Variants in ZEB1 observed in about 807,000 individuals in gnomAD.
The protein encoded by ZEB1 is zinc finger E-box-binding homeobox 1.
Under a neutral mutation model 84.9 loss-of-function variants are expected in ZEB1, and 21 were observed. The observed-to-expected ratio is 0.25, with a 90% CI of 0.18 to 0.36. The LOEUF is 0.36. Among genes scored for constraint, ZEB1 ranks in the 10% least tolerant of loss-of-function variants. ZEB1 has a pLI of 1.00. For missense variants in ZEB1, 1,104 were observed against 1,330.2 expected (o/e 0.83, Z 2.65); for synonymous variants, 420 against 471.1 (o/e 0.89, Z 1.41).
chr10:31,518,021 CCT>C (rs1303482986), intron 6 of ZEB1, among the ~76,000 whole-genome samples: 6 of 152,160 alleles, frequency 3.9e-5, no homozygotes, highest in Middle Eastern at 3.4e-3. Context: ...TTTCTGTCCC[CCT>C]GTTTTAAAAA....
At chr10:31,415,700 CTT>C (rs1177558705) in intron 1 of ZEB1, among the ~76,000 whole-genome samples, 1 of 151,988 alleles carries the variant, frequency 6.6e-6, no homozygotes, top group Non-Finnish European at 1.5e-5. Context: ...AAAGGGAAAA[CTT>C]CATTTGAAAG....
At chr10:31,350,842 G>A (rs1310042111) in intron 1 of ZEB1, among the ~76,000 whole-genome samples, 1 of 152,112 alleles carries the variant, frequency 6.6e-6, no homozygotes, top group Non-Finnish European at 1.5e-5. Context: ...ACATTTTCAA[G>A]TGGAAAAAAT....
chr10:31,484,414 TTAATC>T, intron 2 of ZEB1, among the ~76,000 whole-genome samples: 1 of 152,166 alleles, frequency 6.6e-6, no homozygotes, highest in African/African-American at 2.4e-5. Flanking sequence ...GTTTTATATA[TTAATC>T]TAATCCTTGC....
intron 1 of ZEB1, among the ~76,000 whole-genome samples, chr10:31,345,991 T>A (rs1044635735): frequency 6.6e-6 from 1 of 152,282 alleles, no homozygotes; most frequent in Middle Eastern, 3.4e-3. Flanking sequence ...ATTTTATAGA[T>A]AGAACTGAGA....
chr10:31,447,884 A>G (rs1471284797), intron 1 of ZEB1, among the ~76,000 whole-genome samples: 2 of 151,958 alleles, frequency 1.3e-5, no homozygotes, highest in Non-Finnish European at 2.9e-5. Context: ...TCTGACAATT[A>G]TGTGTCTTGG....
chr10:31,434,116 A>T (rs562384507), intron 1 of ZEB1, among the ~76,000 whole-genome samples: 132 of 152,348 alleles, frequency 8.7e-4, no homozygotes, highest in South Asian at 4.8e-3. Flanking sequence ...TTTTAAAATC[A>T]TTCTTTGATT....
intron 1 of ZEB1, among the ~76,000 whole-genome samples, chr10:31,333,291 G>A (rs1432939074): frequency 6.6e-6 from 1 of 151,904 alleles, no homozygotes; most frequent in East Asian, 1.9e-4. Flanking sequence ...TGTAAAGTCA[G>A]CAGTGCAAGT....
At chr10:31,371,712 A>G (rs532562496) in intron 1 of ZEB1, among the ~76,000 whole-genome samples, 3 of 152,284 alleles carry the variant, frequency 2.0e-5, no homozygotes, top group Non-Finnish European at 2.9e-5. Flanking sequence ...CACCCAGGAA[A>G]GAACTTTGTT....
intron 1 of ZEB1, among the ~76,000 whole-genome samples, chr10:31,432,493 G>T (rs1018967322): frequency 6.6e-6 from 1 of 152,172 alleles, no homozygotes; most frequent in African/African-American, 2.4e-5. Flanking sequence ...GGAGGCTGAG[G>T]AAGGAGGATG....
chr10:31,417,089 A>C (rs1363948924), intron 1 of ZEB1, among the ~76,000 whole-genome samples: 1 of 152,140 alleles, frequency 6.6e-6, no homozygotes, highest in African/African-American at 2.4e-5. Flanking sequence ...ACAATGTGCC[A>C]ACAATTTATT....
At chr10:31,322,946 G>A (rs1252229136) in intron 1 of ZEB1, among the ~76,000 whole-genome samples, 1 of 152,034 alleles carries the variant, frequency 6.6e-6, no homozygotes, top group East Asian at 1.9e-4. Context: ...TATCGACTGT[G>A]CTGATTGGGA....
intron 1 of ZEB1, among the ~76,000 whole-genome samples, chr10:31,451,314 G>A (rs982500844): frequency 3.9e-5 from 6 of 151,960 alleles, no homozygotes; most frequent in African/African-American, 9.7e-5. Context: ...TTGAACATTC[G>A]TGCTGCTTAA....
intron 1 of ZEB1, among the ~76,000 whole-genome samples, chr10:31,446,845 T>C (rs1181947747): frequency 2.0e-5 from 3 of 151,716 alleles, no homozygotes; most frequent in Non-Finnish European, 4.4e-5. Context: ...ATGTGGTCAA[T>C]TTTGGAATAG....
intron 2 of ZEB1, among the ~76,000 whole-genome samples, chr10:31,473,907 A>C (rs932596104): frequency 2.0e-4 from 31 of 151,748 alleles, no homozygotes; most frequent in African/African-American, 6.3e-4. Flanking sequence ...ATAACGCCGC[A>C]TATCTACAAC....
chr10:31,399,035 A>G (rs1347160311), intron 1 of ZEB1, among the ~76,000 whole-genome samples: 6 of 149,384 alleles, frequency 4.0e-5, no homozygotes, highest in African/African-American at 1.5e-4. Context: ...CTGTCTCCCA[A>G]GCTGGAGTGA....
At chr10:31,374,947 A>G (rs2134566765) in intron 1 of ZEB1, 1 of 151,796 alleles carries the variant, frequency 6.6e-6, no homozygotes, top group East Asian at 1.9e-4. Flanking sequence ...AAATTGTTAC[A>G]TGCAGACATT....
intron 1 of ZEB1, among the ~76,000 whole-genome samples, chr10:31,401,746 G>A (rs558930320): frequency 6.6e-6 from 1 of 152,198 alleles, no homozygotes; most frequent in South Asian, 2.1e-4. Context: ...TTTTAACATC[G>A]TGCTAGGTTT....
chr10:31,324,463 A>G (rs561699781), intron 1 of ZEB1, among the ~76,000 whole-genome samples: 2 of 152,172 alleles, frequency 1.3e-5, no homozygotes, highest in African/African-American at 2.4e-5. Context: ...ACACAGATGC[A>G]GTATCATGTG....
intron 2 of ZEB1, among the ~76,000 whole-genome samples, chr10:31,478,137 A>G (rs1440957388): frequency 3.3e-5 from 5 of 152,012 alleles, no homozygotes; most frequent in Non-Finnish European, 7.4e-5. Flanking sequence ...TCCAGAATCT[A>G]CAATGAACCC....
Sources: allele counts gnomAD v4.1 joint callset (sites outside exome capture counted in the v4.1 genomes callset), GRCh38; gene constraint gnomAD v4.1.1; transcripts MANE v1.5; gene names NCBI Gene and HGNC (gene_info 2026-07-23, HGNC 2026-07-21).